The following LRP1B variants were observed in gnomAD, a reference collection of about 807,000 sequenced individuals.
LRP1B encodes the protein LDL receptor related protein 1B, also known as low-density lipoprotein receptor-related protein 1B.
In LRP1B, 217 loss-of-function variants were observed where a neutral mutation model predicts 556.6. That is an observed-to-expected ratio of 0.39 (90% confidence interval 0.35 to 0.44). The LOEUF is 0.44. Ranked by LOEUF, LRP1B falls within the 20% of genes least tolerant of loss-of-function variation. The pLI, the probability that LRP1B is intolerant of heterozygous loss-of-function variation, is 1.00. For synonymous variants in LRP1B, 2,047 were observed against 1,865.8 expected (o/e 1.10, Z -2.50); for missense variants, 5,053 against 5,620.8 (o/e 0.90, Z 3.23).
At chr2:141,630,767 T>C (rs941293781) in intron 2 of LRP1B, among the ~76,000 whole-genome samples, 2 of 152,212 alleles carry the variant, frequency 1.3e-5, no homozygotes, top group Non-Finnish European at 2.9e-5. Flanking sequence ...TTGAAATCAA[T>C]GTCTTAAGTC....
Position 141,642,600 on chromosome 2 carries a change from C to G in LRP1B, c.206-162067G>C, listed in dbSNP as rs531373951. Among the ~76,000 whole-genome samples the G allele has an allele frequency of 1.1e-4, 16 of 152,016 alleles. No homozygotes were observed. In the South Asian group the frequency reaches 3.1e-3, roughly 30 times the overall value. ...ATGGATATTTTCTTGGTAGCACAAT[C>G]CTGGGAAAGCTATTTATTATAGAAA... On this transcript the variant is annotated intron_variant, in intron 2 of 90. Coordinates refer to ENST00000389484, the MANE Select transcript of LRP1B (RefSeq NM_018557.3).
chr2:141,862,387 A>C (rs1342308503), intron 1 of LRP1B, among the ~76,000 whole-genome samples: 6 of 152,152 alleles, frequency 3.9e-5, no homozygotes, highest in Admixed American at 6.5e-5. Flanking sequence ...ATATTGCCAT[A>C]AACACCAATA....
intron 7 of LRP1B, among the ~76,000 whole-genome samples, chr2:141,135,196 T>G (rs1483303887): frequency 1.3e-5 from 2 of 151,948 alleles, no homozygotes; most frequent in Non-Finnish European, 2.9e-5. Flanking sequence ...TTATTAATAT[T>G]CATTCGTATG....
intron 3 of LRP1B, among the ~76,000 whole-genome samples, chr2:141,431,845 T>C (rs1241691490): frequency 6.6e-6 from 1 of 152,178 alleles, no homozygotes; most frequent in African/African-American, 2.4e-5. Flanking sequence ...AACTCATCTG[T>C]AAGTTCAAGT....
chr2:140,949,070 A>G (rs1695628031), intron 20 of LRP1B, among the ~76,000 whole-genome samples: 1 of 152,202 alleles, frequency 6.6e-6, no homozygotes, highest in Non-Finnish European at 1.5e-5. Context: ...AAACACTTTG[A>G]AAATGCTTTC....
At chr2:140,626,833 T>C (rs757788331) in intron 41 of LRP1B, among the ~76,000 whole-genome samples, 1 of 151,928 alleles carries the variant, frequency 6.6e-6, no homozygotes, top group Non-Finnish European at 1.5e-5. Context: ...AAGAAAACTA[T>C]GAAAAACACA....
chr2:141,078,002 G>C (rs951965451), intron 7 of LRP1B, among the ~76,000 whole-genome samples: 1 of 148,198 alleles, frequency 6.7e-6, no homozygotes, highest in African/African-American at 2.5e-5. Flanking sequence ...GGACCCAAAT[G>C]AAATTTGAGC....
At chr2:140,870,161 C>T (rs1693081896) in intron 25 of LRP1B, among the ~76,000 whole-genome samples, 1 of 152,104 alleles carries the variant, frequency 6.6e-6, no homozygotes, top group Non-Finnish European at 1.5e-5. Flanking sequence ...AGACTCATCA[C>T]CACACCCAGA....
intron 23 of LRP1B, among the ~76,000 whole-genome samples, chr2:140,894,875 A>G (rs191632662): frequency 1.3e-5 from 2 of 151,842 alleles, no homozygotes; most frequent in Non-Finnish European, 1.5e-5. Context: ...CCTGGGAGGC[A>G]GAGGTTGTAG....
chr2:141,186,450 A>C (rs1681262957), intron 7 of LRP1B, among the ~76,000 whole-genome samples: 1 of 152,066 alleles, frequency 6.6e-6, no homozygotes. Flanking sequence ...CATCAATCCT[A>C]ACTAAATTTC....
At chr2:141,486,883 C>G (rs1161131258) in intron 2 of LRP1B, among the ~76,000 whole-genome samples, 1 of 152,174 alleles carries the variant, frequency 6.6e-6, no homozygotes, top group African/African-American at 2.4e-5. Flanking sequence ...ACGCTAGCCT[C>G]TGCTTCTAAC....
At position 140,239,120 on chromosome 2, in the gene LRP1B, T is replaced by C. The variant is rs79173989; in HGVS notation, c.13415+322A>G. ...ACATTACTAATCATACACATTAATA[T>C]AAAAAGATGCTCCTCAGAGACCCTT... is the stretch of plus-strand genomic sequence containing the variant. On this transcript the variant is annotated intron_variant, in intron 88 of 90. Transcript: ENST00000389484. Among the ~76,000 whole-genome samples the C allele has an allele frequency of 4.6e-3, 699 of 150,938 alleles. 3 individuals are homozygous for C. Among genetic ancestry groups the C allele is most frequent in the Non-Finnish European group, 7.6e-3 (510 of 67,150 alleles).
chr2:140,665,971 T>G (rs1337862964), intron 41 of LRP1B, among the ~76,000 whole-genome samples: 1 of 150,886 alleles, frequency 6.6e-6, no homozygotes. Context: ...AAAATACCAC[T>G]TCAGTGGAGT....
chr2:141,498,839 G>T (rs1007528134), intron 2 of LRP1B, among the ~76,000 whole-genome samples: 1 of 152,024 alleles, frequency 6.6e-6, no homozygotes, highest in African/African-American at 2.4e-5. Flanking sequence ...GAAATCTATT[G>T]TATGTGTTTC....
chr2:141,464,606 A>ATATATTTTTTTTTTT lies in LRP1B; in HGVS notation c.343+15789_343+15790insAAAAAAAAAAATATA. ...TTTGTATATATATATATATATATATATTTTTTTAGTAGAGATGGGGTTTCA... is the reference window on the plus strand; with the variant it reads ...TTTGTATATATATATATATATATATATATATTTTTTTTTTTTTTTTTTAGTAGAGATGGGGTTTCA... On this transcript the variant is annotated intron_variant, in intron 3 of 90. Coordinates refer to ENST00000389484, the MANE Select transcript of LRP1B (RefSeq NM_018557.3). 1.1e-4 allele frequency among the ~76,000 whole-genome samples: 10 copies of ATATATTTTTTTTTTT among 90,530 alleles called. 1 individual carries two copies. The highest frequency in any genetic ancestry group is 2.6e-4 in the African/African-American group (6 of 23,374). 59.4% of individuals were successfully genotyped at this position (90,530 alleles called of 152,430 possible).
chr2:142,120,370 C>G (rs1707417705), intron 1 of LRP1B, among the ~76,000 whole-genome samples: 1 of 152,156 alleles, frequency 6.6e-6, no homozygotes. Flanking sequence ...CCTCAGACTC[C>G]CAAAGTGCTG....
chr2:141,005,005 G>A lies in LRP1B; in HGVS notation c.2503+330C>T, dbSNP rs181458031. Among the ~76,000 whole-genome samples the A allele has an allele frequency of 4.3e-3, 659 of 151,962 alleles. 5 individuals carry two copies. The highest frequency in any genetic ancestry group is 7.0e-3 in the Non-Finnish European group (478 of 67,944). ...AAGTCATTGTAGGCCTATGTTGTGC[G>A]TCAACTTACCATCTATCTAATCAAC... is the stretch of plus-strand genomic sequence containing the variant. On this transcript the variant is annotated intron_variant, in intron 15 of 90. Transcript: ENST00000389484.
intron 1 of LRP1B, among the ~76,000 whole-genome samples, chr2:142,065,035 G>A (rs748047254): frequency 4.0e-5 from 6 of 151,434 alleles, no homozygotes; most frequent in Non-Finnish European, 8.9e-5. Flanking sequence ...GCAGCAGAAA[G>A]AGTAATCCTG....
chr2:141,970,759 G>A (rs1701706163), intron 1 of LRP1B, among the ~76,000 whole-genome samples: 1 of 151,466 alleles, frequency 6.6e-6, no homozygotes, highest in African/African-American at 2.4e-5. Context: ...ACATAATTCA[G>A]ATAACTCTTC....
Sources: gnomAD v4.1 joint callset for allele counts (sites outside exome capture counted in the v4.1 genomes callset) on GRCh38, gnomAD v4.1.1 for gene constraint, MANE v1.5 for transcripts, NCBI Gene and HGNC (gene_info 2026-07-23, HGNC 2026-07-21) for gene names.